ADGB: variants seen among roughly 807,000 people sequenced by gnomAD.
ADGB encodes androglobin.
In ADGB, 172 loss-of-function variants were observed where a neutral mutation model predicts 210.5. The ratio of observed to expected loss-of-function variants is 0.82; its 90% CI spans 0.72 to 0.93. The LOEUF is 0.93. Among genes scored for constraint, ADGB ranks in the 40% least tolerant of loss-of-function variants. The probability of loss-of-function intolerance (pLI) is 0.00; values close to 1 mark genes in which losing one functional copy is unlikely to be tolerated. For missense variants in ADGB, 2,025 were observed against 1,964.8 expected, an observed-to-expected ratio of 1.03 and a Z score of -0.58; for synonymous variants, 658 against 662.7, an observed-to-expected ratio of 0.99 and a Z score of 0.11.
chr6:146,668,078 A>C (rs1311463080), intron 7 of ADGB, among the ~76,000 whole-genome samples: 1 of 152,090 alleles, frequency 6.6e-6, no homozygotes, highest in Non-Finnish European at 1.5e-5. Context: ...CTGACTTATA[A>C]TTTCACGATC....
chr6:146,659,232 G>T (rs114034604), intron 5 of ADGB, among the ~76,000 whole-genome samples: 3,241 of 152,094 alleles, frequency 0.021, 96 homozygotes, highest in African/African-American at 0.073. Context: ...TCTGTCATTT[G>T]CTTCTCTCTG....
chr6:146,800,658 A>C (rs571725142), intron 33 of ADGB, among the ~76,000 whole-genome samples: 7 of 152,204 alleles, frequency 4.6e-5, no homozygotes, highest in African/African-American at 1.7e-4. Context: ...TGCTAATTTG[A>C]TTTTCAGTGT....
intron 9 of ADGB, among the ~76,000 whole-genome samples, chr6:146,679,767 TGAAAATGTAGC>T (rs1479949868): frequency 1.3e-5 from 2 of 152,178 alleles, no homozygotes; most frequent in African/African-American, 4.8e-5. Flanking sequence ...ATAACTACAT[TGAAAATGTAGC>T]TTAAAAAGAA....
At chr6:146,744,408 C>T (rs1326726257) in intron 25 of ADGB, among the ~76,000 whole-genome samples, 1 of 152,180 alleles carries the variant, frequency 6.6e-6, no homozygotes, top group Non-Finnish European at 1.5e-5. Flanking sequence ...TTCATAAACA[C>T]CATGTATGCA....
chr6:146,650,293 T>C (rs1407790487), intron 3 of ADGB, among the ~76,000 whole-genome samples: 1 of 152,150 alleles, frequency 6.6e-6, no homozygotes, highest in Non-Finnish European at 1.5e-5. Context: ...AATGTCCGAA[T>C]AACCTTGAAA....
chr6:146,810,440 C>T (rs1296761517), intron 35 of ADGB, among the ~76,000 whole-genome samples: 1 of 152,166 alleles, frequency 6.6e-6, no homozygotes, highest in Non-Finnish European at 1.5e-5. Context: ...ATCCAGCAAT[C>T]CCATTCCTGG....
At chr6:146,787,219 C>T (rs573389549) in intron 32 of ADGB, among the ~76,000 whole-genome samples, 1 of 152,224 alleles carries the variant, frequency 6.6e-6, no homozygotes, top group South Asian at 2.1e-4. Context: ...TGTAACTGTA[C>T]AGCTCGATTA....
rs780260770 is a variant in ADGB at position 146,647,088 on chromosome 6, C to CA, written c.330+2232dup. 9.0e-3 allele frequency among the ~76,000 whole-genome samples: 995 copies of CA among 110,618 alleles called. 32 individuals are homozygous for CA. The highest frequency in any genetic ancestry group is 0.028 in the African/African-American group (806 of 28,796). The allele number at this position is 110,618 out of a possible 152,430, so 72.6% of individuals were successfully genotyped here. On this transcript the variant is annotated intron_variant, in intron 3 of 35. Transcript: ENST00000397944. ...TGGGTGACAGAGTGAGAGCCTGTCT[C>CA]AAAAAAAAACAAAAAACAAAAAACA...
intron 12 of ADGB, 117 bp downstream of exon 12, chr6:146,693,032 C>T: frequency 1.7e-6 from 1 of 586,438 alleles, no homozygotes. Context: ...TTAAAATAAG[C>T]CCAAATACAT....
intron 1 of ADGB, among the ~76,000 whole-genome samples, chr6:146,632,456 C>T (rs1466930482): frequency 6.6e-6 from 1 of 152,178 alleles, no homozygotes; most frequent in Non-Finnish European, 1.5e-5. Context: ...CATCTACAAG[C>T]TCCCTTTTTC....
At chr6:146,682,115 A>T (rs1776165544) in intron 9 of ADGB, among the ~76,000 whole-genome samples, 1 of 152,138 alleles carries the variant, frequency 6.6e-6, no homozygotes, top group African/African-American at 2.4e-5. Flanking sequence ...TATAATCTTT[A>T]ACAAATACTT....
chr6:146,763,576 T>C (rs1583627736), intron 27 of ADGB, among the ~76,000 whole-genome samples: 1 of 152,346 alleles, frequency 6.6e-6, no homozygotes, highest in East Asian at 1.9e-4. Context: ...AACATACATA[T>C]GTGGCATTAA....
chr6:146,657,351 AGAAGGAAG>A (rs1562266599), intron 5 of ADGB, among the ~76,000 whole-genome samples: 1 of 151,710 alleles, frequency 6.6e-6, no homozygotes, highest in Non-Finnish European at 1.5e-5. Flanking sequence ...AGAAAGAGAG[AGAAGGAAG>A]GAAGGAAGAA....
At chr6:146,801,352 G>A (rs2114665220) in intron 34 of ADGB, 73 bp downstream of exon 34, 1 of 979,864 alleles carries the variant, frequency 1.0e-6, no homozygotes, top group Non-Finnish European at 1.4e-6. Context: ...ATACTTAAAT[G>A]TTTTCTGTAA....
At chr6:146,682,391 T>C (rs1185943268) in intron 9 of ADGB, among the ~76,000 whole-genome samples, 1 of 152,178 alleles carries the variant, frequency 6.6e-6, no homozygotes, top group Non-Finnish European at 1.5e-5. Context: ...ATATAATTAG[T>C]ATGGCAGTTG....
intron 33 of ADGB, among the ~76,000 whole-genome samples, chr6:146,796,108 A>AG (rs1214771234): frequency 6.6e-6 from 1 of 152,148 alleles, no homozygotes; most frequent in Non-Finnish European, 1.5e-5. Flanking sequence ...ATAGCTGCAA[A>AG]GAAAAAAAAC....
At chr6:146,770,060 A>C (rs561057788) in intron 29 of ADGB, among the ~76,000 whole-genome samples, 27 of 152,266 alleles carry the variant, frequency 1.8e-4, no homozygotes, top group Admixed American at 1.7e-3. Flanking sequence ...GTCCATTTTC[A>C]CCTGTTTCGT....
intron 9 of ADGB, among the ~76,000 whole-genome samples, chr6:146,680,983 A>T (rs1003642554): frequency 6.6e-6 from 1 of 152,176 alleles, no homozygotes; most frequent in African/African-American, 2.4e-5. Flanking sequence ...GGAGGATTGC[A>T]GGTGCAAGGT....
intron 5 of ADGB, among the ~76,000 whole-genome samples, chr6:146,661,756 A>C (rs1260105787): frequency 3.3e-5 from 5 of 151,946 alleles, no homozygotes; most frequent in African/African-American, 1.2e-4. Flanking sequence ...TATTTCTGAA[A>C]AATTTTCTTT....
Sources: allele counts gnomAD v4.1 joint callset (sites outside exome capture counted in the v4.1 genomes callset), GRCh38; gene constraint gnomAD v4.1.1; transcripts MANE v1.5; gene names NCBI Gene and HGNC (gene_info 2026-07-23, HGNC 2026-07-21).